Variants in MBD2 observed in about 807,000 individuals in gnomAD.
MBD2 encodes the protein methyl-CpG-binding domain protein 2.
Under a neutral mutation model 39.3 loss-of-function variants are expected in MBD2, and 9 were observed. The observed-to-expected ratio is 0.23, with a 90% CI of 0.14 to 0.40. The LOEUF (loss-of-function observed/expected upper bound fraction) is 0.40, where lower values mean the gene tolerates loss of function less well. MBD2 is among the 10% of genes least tolerant of loss of function. The pLI is 1.00. For missense variants in MBD2, 458 were observed against 532.6 expected (o/e 0.86, Z 1.38); for synonymous variants, 233 against 211.1 (o/e 1.10, Z -0.90).
chr18:54,168,613 T>TTGTGTGTGTGTG (rs60604906), intron 3 of MBD2, among the ~76,000 whole-genome samples: 1 of 117,124 alleles, frequency 8.5e-6, no homozygotes, highest in Non-Finnish European at 1.7e-5. Flanking sequence ...GTATGCATAT[T>TTGTGTGTGTGTG]TGTGTGTGTG....
intron 3 of MBD2, chr18:54,187,890 G>A: frequency 1.0e-6 from 1 of 982,588 alleles, no homozygotes; most frequent in Non-Finnish European, 1.2e-6. Context: ...TCTTTATGTA[G>A]TTTCTTCTAG....
chr18:54,216,344 C>T (rs2086561549), intron 1 of MBD2, among the ~76,000 whole-genome samples: 1 of 152,162 alleles, frequency 6.6e-6, no homozygotes, highest in Admixed American at 6.5e-5. Context: ...GGAGTCAGGC[C>T]TATGTATACA....
At chr18:54,216,434 C>T (rs771574643) in intron 1 of MBD2, among the ~76,000 whole-genome samples, 2 of 152,166 alleles carry the variant, frequency 1.3e-5, no homozygotes, top group Admixed American at 1.3e-4. Flanking sequence ...TTATGAAAAA[C>T]GTTCCATATT....
At chr18:54,186,008 G>T (rs1175873927) in intron 3 of MBD2, among the ~76,000 whole-genome samples, 3 of 151,982 alleles carry the variant, frequency 2.0e-5, no homozygotes, top group Non-Finnish European at 4.4e-5. Context: ...AAATTAGGCT[G>T]CCATATAAAT....
In MBD2 at chr18:54,224,167, C is replaced by G; in HGVS notation, c.393G>C (p.Ser131=). 2 of 1,417,122 alleles carry G rather than the reference C, an allele frequency of 1.4e-6. No individual in the cohort carries two copies. The highest frequency in any genetic ancestry group is 1.8e-6 in the Non-Finnish European group (2 of 1,082,638). 87.8% of individuals were successfully genotyped at this position (1,417,122 alleles called of 1,614,324 possible). A position where few individuals can be genotyped will look rare whatever the true frequency, so the allele number is the denominator to read the frequency against. The part of the protein sequence containing the change: ...APRREPVPFP[S]GSAGPGPRGP... ...CCCTGGGCCCCGGCCCCGCGCTCCCCGACGGGAAAGGGACCGGCTCCCGCC... is the reference window on the plus strand; with the variant it reads ...CCCTGGGCCCCGGCCCCGCGCTCCCGGACGGGAAAGGGACCGGCTCCCGCC... Residue 131 remains serine (S), a synonymous_variant, in exon 1 of 7, where the codon TCG becomes TCC. Transcript: ENST00000256429.
At position 54,216,529 on chromosome 18, in the gene MBD2, G is replaced by C. The variant is rs994478322; in HGVS notation, c.542+7489C>G. On this transcript the variant is annotated intron_variant, in intron 1 of 6. Coordinates refer to ENST00000256429, the MANE Select transcript of MBD2 (RefSeq NM_003927.5). ...ACTGAGGAGGTTCAGAATCTCATGG[G>C]TAACAAAGACTTGCCAACTATTTCT... is the stretch of plus-strand genomic sequence containing the variant. 3.3e-5 allele frequency among the ~76,000 whole-genome samples: 5 copies of C among 152,182 alleles called. No individual in the cohort carries two copies. In the East Asian group the frequency reaches 9.6e-4, roughly 29 times the overall value.
At chr18:54,184,022 C>T (rs181755467) in intron 3 of MBD2, among the ~76,000 whole-genome samples, 2 of 152,206 alleles carry the variant, frequency 1.3e-5, no homozygotes, top group Non-Finnish European at 2.9e-5. Context: ...AAATGTTTCT[C>T]ATTTTTAAAA....
chr18:54,183,645 A>AT (rs1297598373), intron 3 of MBD2, among the ~76,000 whole-genome samples: 1 of 152,268 alleles, frequency 6.6e-6, no homozygotes, highest in Non-Finnish European at 1.5e-5. Context: ...AAAAGCTATT[A>AT]TTTCAGAGAC....
chr18:54,207,606 T>C (rs757098023), intron 1 of MBD2, among the ~76,000 whole-genome samples: 2 of 152,226 alleles, frequency 1.3e-5, no homozygotes, highest in Non-Finnish European at 2.9e-5. Flanking sequence ...AAAAGTTATA[T>C]GGCAAAGAAT....
intron 3 of MBD2, among the ~76,000 whole-genome samples, chr18:54,176,943 A>C (rs2086216040): frequency 6.6e-6 from 1 of 152,220 alleles, no homozygotes; most frequent in Non-Finnish European, 1.5e-5. Context: ...GGGCTGATGA[A>C]GACAGAGGTG....
At chr18:54,179,938 G>GGAAA (rs1568083168) in intron 3 of MBD2, among the ~76,000 whole-genome samples, 1 of 150,864 alleles carries the variant, frequency 6.6e-6, no homozygotes, top group African/African-American at 2.4e-5. Flanking sequence ...AAAGAAAGAA[G>GGAAA]GAAAGAAAGA....
intron 2 of MBD2, among the ~76,000 whole-genome samples, chr18:54,193,231 T>G (rs1284668994): frequency 6.6e-6 from 1 of 152,184 alleles, no homozygotes; most frequent in Non-Finnish European, 1.5e-5. Flanking sequence ...CAATCTACCA[T>G]CACCGTCGGA....
At chr18:54,223,954 G>T in intron 1 of MBD2, 64 bp downstream of exon 1, 1 of 1,399,422 alleles carries the variant, frequency 7.1e-7, no homozygotes. Flanking sequence ...CTCTGCCCAG[G>T]CCCGCTCTTG....
chr18:54,166,735 C>A (rs1436936959), intron 3 of MBD2, among the ~76,000 whole-genome samples: 1 of 152,188 alleles, frequency 6.6e-6, no homozygotes, highest in Non-Finnish European at 1.5e-5. Context: ...ATGAGTGACT[C>A]TTTCCCTGCT....
chr18:54,170,691 G>C (rs555233512), intron 3 of MBD2, among the ~76,000 whole-genome samples: 24 of 152,244 alleles, frequency 1.6e-4, no homozygotes, highest in Non-Finnish European at 2.9e-4. Context: ...ATCGGCAATC[G>C]CTGCCCTCCA....
chr18:54,213,772 T>C (rs987622121), intron 1 of MBD2, among the ~76,000 whole-genome samples: 1 of 152,150 alleles, frequency 6.6e-6, no homozygotes, highest in African/African-American at 2.4e-5. Flanking sequence ...GATGACTATA[T>C]AGGGATTCAT....
intron 1 of MBD2, among the ~76,000 whole-genome samples, chr18:54,214,096 T>G (rs2086534464): frequency 6.6e-6 from 1 of 150,834 alleles, no homozygotes; most frequent in East Asian, 1.9e-4. Flanking sequence ...TTCACTATAC[T>G]CTTCTATATT....
chr18:54,164,198 TTAGAA>T (rs1367179308), intron 5 of MBD2, among the ~76,000 whole-genome samples: 1 of 152,150 alleles, frequency 6.6e-6, no homozygotes, highest in African/African-American at 2.4e-5. Flanking sequence ...AAGAGGTTCT[TTAGAA>T]TAGAAAGTCA....
At chr18:54,196,667 G>A (rs2086369620) in intron 2 of MBD2, among the ~76,000 whole-genome samples, 1 of 152,102 alleles carries the variant, frequency 6.6e-6, no homozygotes, top group South Asian at 2.1e-4. Flanking sequence ...TAACACCTGG[G>A]CATACCAAAC....
Sources: gnomAD v4.1 joint callset for allele counts (sites outside exome capture counted in the v4.1 genomes callset) on GRCh38, gnomAD v4.1.1 for gene constraint, MANE v1.5 for transcripts, NCBI Gene and HGNC (gene_info 2026-07-23, HGNC 2026-07-21) for gene names.